SGCZ: variants seen among roughly 807,000 people sequenced by gnomAD.
SGCZ encodes the protein sarcoglycan zeta.
Under a neutral mutation model 41.3 loss-of-function variants are expected in SGCZ, and 40 were observed. The observed-to-expected ratio is 0.97, with a 90% confidence interval of 0.75 to 1.26. The LOEUF (loss-of-function observed/expected upper bound fraction) is 1.26. Among genes scored for constraint, SGCZ ranks in the 50% most tolerant of loss-of-function variants. The pLI is 0.00. For missense variants in SGCZ, 552 were observed against 369.8 expected (o/e 1.49, Z -4.04); for synonymous variants, 206 against 137.5 (o/e 1.50, Z -3.49).
intron 2 of SGCZ, among the ~76,000 whole-genome samples, chr8:14,483,411 A>G (rs1801587665): frequency 6.6e-6 from 1 of 152,110 alleles, no homozygotes; most frequent in Admixed American, 6.5e-5. Flanking sequence ...CTCTACAAAC[A>G]ATTTAAAAAA....
chr8:14,887,034 C>A (rs1275876615), intron 1 of SGCZ, among the ~76,000 whole-genome samples: 2 of 151,982 alleles, frequency 1.3e-5, no homozygotes, highest in African/African-American at 2.4e-5. Context: ...AAAGGTGATG[C>A]CATTTAGTGA....
chr8:14,148,947 A>C (rs1278479622), intron 5 of SGCZ, among the ~76,000 whole-genome samples: 1 of 152,100 alleles, frequency 6.6e-6, no homozygotes, highest in Non-Finnish European at 1.5e-5. Context: ...ACATGATCCT[A>C]TCAATAGATG....
chr8:14,780,737 G>C (rs1285715807), intron 1 of SGCZ, among the ~76,000 whole-genome samples: 1 of 152,008 alleles, frequency 6.6e-6, no homozygotes, highest in African/African-American at 2.4e-5. Context: ...TTTTAACATG[G>C]GTAACCTTAA....
At chr8:15,161,551 A>G (rs1037334483) in intron 1 of SGCZ, among the ~76,000 whole-genome samples, 2 of 152,186 alleles carry the variant, frequency 1.3e-5, no homozygotes, top group African/African-American at 4.8e-5. Context: ...TAGGTGCTTA[A>G]TGGGTCTCTG....
At chr8:15,192,305 A>T (rs945479754) in intron 1 of SGCZ, among the ~76,000 whole-genome samples, 1 of 152,074 alleles carries the variant, frequency 6.6e-6, no homozygotes, top group Non-Finnish European at 1.5e-5. Context: ...CATTGTTTTG[A>T]TGAGTAATGT....
At chr8:15,228,203 T>C (rs1801836709) in intron 1 of SGCZ, among the ~76,000 whole-genome samples, 1 of 152,234 alleles carries the variant, frequency 6.6e-6, no homozygotes, top group South Asian at 2.1e-4. Flanking sequence ...CAGGTTTGTA[T>C]TGTAATTGGA....
intron 5 of SGCZ, among the ~76,000 whole-genome samples, chr8:14,134,940 A>T (rs1803152340): frequency 6.6e-6 from 1 of 152,168 alleles, no homozygotes; most frequent in Non-Finnish European, 1.5e-5. Context: ...ATAAATTATT[A>T]TGTTATTATT....
At chr8:14,730,725 A>G (rs182082316) in intron 1 of SGCZ, among the ~76,000 whole-genome samples, 118 of 151,924 alleles carry the variant, frequency 7.8e-4, no homozygotes, top group African/African-American at 2.7e-3. Context: ...AGGCACCTCC[A>G]TTCCCTAGGA....
intron 1 of SGCZ, among the ~76,000 whole-genome samples, chr8:15,165,483 T>C (rs1287756469): frequency 6.6e-6 from 1 of 152,178 alleles, no homozygotes; most frequent in Non-Finnish European, 1.5e-5. Flanking sequence ...TTTTGAGAAC[T>C]ATTTGACATG....
intron 1 of SGCZ, among the ~76,000 whole-genome samples, chr8:14,989,679 T>C (rs1252037236): frequency 6.6e-6 from 1 of 152,094 alleles, no homozygotes; most frequent in Admixed American, 6.6e-5. Context: ...AGAAATAACC[T>C]AGTCACCCTC....
At chr8:14,723,611 C>A (rs2130194701) in intron 1 of SGCZ, among the ~76,000 whole-genome samples, 1 of 152,074 alleles carries the variant, frequency 6.6e-6, no homozygotes. Context: ...TTTCTTCAAA[C>A]ATGTAAAATG....
chr8:14,173,790 A>G (rs1452794199), intron 4 of SGCZ, among the ~76,000 whole-genome samples: 1 of 152,162 alleles, frequency 6.6e-6, no homozygotes, highest in African/African-American at 2.4e-5. Flanking sequence ...ATGGAAACAT[A>G]TCAATAATTG....
intron 1 of SGCZ, among the ~76,000 whole-genome samples, chr8:14,567,807 G>C (rs1229667325): frequency 6.6e-6 from 1 of 151,920 alleles, no homozygotes. Context: ...ACCTCCAGAC[G>C]CACCACCTTA....
chr8:14,229,881 T>C (rs116815097), intron 4 of SGCZ, among the ~76,000 whole-genome samples: 399 of 152,258 alleles, frequency 2.6e-3, no homozygotes, highest in African/African-American at 9.3e-3. Flanking sequence ...CAAAAACATG[T>C]TTATGCTTAG....
intron 1 of SGCZ, among the ~76,000 whole-genome samples, chr8:15,196,215 G>T (rs1800728115): frequency 6.6e-6 from 1 of 152,146 alleles, no homozygotes; most frequent in African/African-American, 2.4e-5. Context: ...ATTTTTTAAA[G>T]GCAGGAACTA....
intron 1 of SGCZ, among the ~76,000 whole-genome samples, chr8:14,591,391 T>G (rs912470455): frequency 1.3e-5 from 2 of 152,154 alleles, no homozygotes; most frequent in South Asian, 4.1e-4. Context: ...CACATCATAA[T>G]GCTCATTTCT....
chr8:14,329,197 T>C (rs941226826), intron 2 of SGCZ, among the ~76,000 whole-genome samples: 2 of 152,192 alleles, frequency 1.3e-5, no homozygotes, highest in African/African-American at 4.8e-5. Flanking sequence ...ATCAGACATT[T>C]AGGGTTTGAA....
intron 1 of SGCZ, among the ~76,000 whole-genome samples, chr8:14,844,847 G>A (rs756379832): frequency 2.0e-5 from 3 of 152,136 alleles, no homozygotes; most frequent in Non-Finnish European, 2.9e-5. Flanking sequence ...AGTGACCTCT[G>A]AAAGACTGGA....
chr8:14,387,006 A>T (rs1057153311), intron 2 of SGCZ, among the ~76,000 whole-genome samples: 3 of 152,192 alleles, frequency 2.0e-5, no homozygotes, highest in Admixed American at 6.5e-5. Context: ...TGCCAAAGTA[A>T]AGTACTTACT....
Sources: allele counts gnomAD v4.1 joint callset (sites outside exome capture counted in the v4.1 genomes callset), GRCh38; gene constraint gnomAD v4.1.1; transcripts MANE v1.5; gene names NCBI Gene and HGNC (gene_info 2026-07-23, HGNC 2026-07-21).